The following NUP160 variants were observed in gnomAD, a reference collection of about 807,000 sequenced individuals.
NUP160 encodes the protein nucleoporin 160, also known as nuclear pore complex protein Nup160.
Under a neutral mutation model 196.9 loss-of-function variants are expected in NUP160, and 94 were observed. The observed-to-expected ratio is 0.48, with a 90% confidence interval of 0.40 to 0.57. NUP160 has a LOEUF of 0.57. Among genes scored for constraint, NUP160 ranks in the 20% least tolerant of loss-of-function variants. The probability of loss-of-function intolerance (pLI) is 0.00; values close to 1 mark genes in which losing one functional copy is unlikely to be tolerated. For missense variants in NUP160, 1,638 were observed against 1,748.3 expected, an observed-to-expected ratio of 0.94 and a Z score of 1.13; for synonymous variants, 605 against 619.7, an observed-to-expected ratio of 0.98 and a Z score of 0.35.
intron 2 of NUP160, among the ~76,000 whole-genome samples, chr11:47,846,445 C>T (rs1053465584): frequency 1.3e-5 from 2 of 152,086 alleles, no homozygotes; most frequent in African/African-American, 2.4e-5. Context: ...ATCCATCTTC[C>T]GGGTATCTCT....
exon 12 of NUP160, chr11:47,815,984 C>T (rs2097684193): frequency 6.2e-7 from 1 of 1,613,806 alleles, no homozygotes; most frequent in Non-Finnish European, 8.5e-7. Context: ...TTCTTCAGTT[C>T]ACTCCAGGAA....
chr11:47,834,653 T>C (rs1852140089), intron 7 of NUP160, among the ~76,000 whole-genome samples: 1 of 151,946 alleles, frequency 6.6e-6, no homozygotes, highest in African/African-American at 2.4e-5. Context: ...AAGGAGTCAG[T>C]CTGAACAGGT....
At chr11:47,847,850 A>G in exon 2 of NUP160, 1 of 1,609,202 alleles carries the variant, frequency 6.2e-7, no homozygotes, top group Non-Finnish European at 8.5e-7. Context: ...ACACTTACCA[A>G]TGAATGAACC....
exon 36 of NUP160, chr11:47,779,025 C>T (rs780062117): frequency 1.0e-6 from 1 of 1,004,524 alleles, no homozygotes; most frequent in Non-Finnish European, 1.6e-6. Flanking sequence ...AAAAATCGGC[C>T]TTGAGTACAG....
At chr11:47,840,924 A>G (rs1599350147) in intron 2 of NUP160, among the ~76,000 whole-genome samples, 2 of 152,152 alleles carry the variant, frequency 1.3e-5, no homozygotes, top group South Asian at 4.1e-4. Context: ...CTCCATATAT[A>G]CTACAGCATC....
intron 11 of NUP160, among the ~76,000 whole-genome samples, chr11:47,817,342 CTTT>C (rs904451058): frequency 5.3e-5 from 7 of 132,400 alleles, no homozygotes; most frequent in Admixed American, 7.7e-5. Flanking sequence ...AAGCCAAAAA[CTTT>C]TTTTTTTTTT....
chr11:47,795,537 C>T (rs550248127), intron 27 of NUP160, among the ~76,000 whole-genome samples: 1 of 152,142 alleles, frequency 6.6e-6, no homozygotes, highest in Admixed American at 6.6e-5. Context: ...CAGCAAGAAA[C>T]CAAAGAAAAT....
intron 34 of NUP160, among the ~76,000 whole-genome samples, chr11:47,782,762 G>A (rs1037477217): frequency 1.1e-4 from 16 of 152,112 alleles, no homozygotes; most frequent in Non-Finnish European, 1.8e-4. Flanking sequence ...AGGTTCAAGC[G>A]ATTCTCCTGC....
At chr11:47,780,837 T>A (rs2097660326) in intron 34 of NUP160, among the ~76,000 whole-genome samples, 1 of 152,064 alleles carries the variant, frequency 6.6e-6, no homozygotes, top group African/African-American at 2.4e-5. Flanking sequence ...ATAAAATGCA[T>A]TTTTTCCCCC....
intron 2 of NUP160, among the ~76,000 whole-genome samples, chr11:47,847,390 A>C (rs1200230719): frequency 6.6e-6 from 1 of 152,128 alleles, no homozygotes; most frequent in Non-Finnish European, 1.5e-5. Context: ...AAATTTCCCC[A>C]TGAAAAGTGG....
chr11:47,804,704 A>T, intron 20 of NUP160, 86 bp from the exon 21 acceptor site: 1 of 850,834 alleles, frequency 1.2e-6, no homozygotes, highest in Non-Finnish European at 1.8e-6. Flanking sequence ...AAAGTCCATA[A>T]AATAGCTTAA....
chr11:47,813,152 G>A (rs2097682127), intron 14 of NUP160, 105 bp from the exon 15 acceptor site: 1 of 1,016,662 alleles, frequency 9.8e-7, no homozygotes, highest in African/African-American at 1.6e-5. Flanking sequence ...ATCTATCTGA[G>A]GTCTCAGAGA....
Position 47,808,897 on chromosome 11 carries a change from C to A in NUP160, c.2242-368G>T, listed in dbSNP as rs146587710. The stretch of plus-strand genomic sequence containing the variant: ...AGGCAGATCACTTGACCCAAAATTT[C>A]GAGACCAGACTGGACAACACAGTGA... On this transcript the variant is annotated intron_variant, in intron 17 of 35. Transcript: ENST00000378460. Among the ~76,000 whole-genome samples the A allele has an allele frequency of 9.6e-3, 1,453 of 151,756 alleles. 13 individuals carry two copies. The highest frequency in any genetic ancestry group is 0.017 in the Non-Finnish European group (1,129 of 67,878).
Position 47,812,232 on chromosome 11 carries a change from A to C in NUP160, c.2081-8T>G. 2.5e-6 allele frequency: 4 copies of C among 1,613,934 alleles called. No homozygotes were observed. The highest frequency in any genetic ancestry group is 3.4e-6 in the Non-Finnish European group (4 of 1,179,844). ...GAATATTCAAAGGCTGAGCTGTAAA[A>C]AGAAGAAAAATGGAGTTGAATGCAT... On this transcript the variant is annotated splice_polypyrimidine_tract_variant and splice_region_variant and intron_variant, in intron 16 of 35. Coordinates refer to ENST00000378460, the Ensembl canonical transcript of NUP160.
chr11:47,786,045 A>G (rs2097664333), intron 32 of NUP160, among the ~76,000 whole-genome samples: 1 of 152,232 alleles, frequency 6.6e-6, no homozygotes, highest in South Asian at 2.1e-4. Context: ...ATGGGGGCTG[A>G]TGGGTGACAG....
intron 21 of NUP160, among the ~76,000 whole-genome samples, chr11:47,803,909 G>A (rs1208690386): frequency 6.6e-6 from 1 of 152,166 alleles, no homozygotes; most frequent in Non-Finnish European, 1.5e-5. Context: ...CTAGAGGCCA[G>A]GCACGGTGGC....
rs1191604724 is a variant in NUP160 at position 47,824,040 on chromosome 11, TATATATATATATAC to T, written c.1102-1890_1102-1877del. The stretch of plus-strand genomic sequence containing the variant: ...ATATATATATATATATATATATATA[TATATATATATATAC>T]ACACACACATAGAAGTGGAATTTCT... On this transcript the variant is annotated intron_variant, in intron 7 of 35. Coordinates refer to ENST00000378460, the Ensembl canonical transcript of NUP160. Among the ~76,000 whole-genome samples, 230 of 126,424 alleles carry T rather than the reference TATATATATATATAC, an allele frequency of 1.8e-3. 2 individuals are homozygous for T. Among genetic ancestry groups the T allele is most frequent in the African/African-American group, 6.1e-3 (208 of 33,880 alleles). 82.9% of individuals were successfully genotyped at this position (126,424 alleles called of 152,430 possible).
chr11:47,843,624 A>G (rs142389896), intron 2 of NUP160, among the ~76,000 whole-genome samples: 372 of 152,352 alleles, frequency 2.4e-3, no homozygotes, highest in Middle Eastern at 0.014. Context: ...TATTGTAACT[A>G]GGGTAGAAGT....
intron 14 of NUP160, 87 bp downstream of exon 14, chr11:47,813,229 C>T: frequency 9.1e-7 from 1 of 1,103,004 alleles, no homozygotes; most frequent in Non-Finnish European, 1.4e-6. Flanking sequence ...ACAGGTGTGG[C>T]AATCGATATT....
Sources: gnomAD v4.1 joint callset for allele counts (sites outside exome capture counted in the v4.1 genomes callset) on GRCh38, gnomAD v4.1.1 for gene constraint, MANE v1.5 for transcripts, NCBI Gene and HGNC (gene_info 2026-07-23, HGNC 2026-07-21) for gene names.